PAPPA2: variants seen among roughly 807,000 people sequenced by gnomAD.
The protein encoded by PAPPA2 is pappalysin-2.
Under a neutral mutation model 176.4 loss-of-function variants are expected in PAPPA2, and 86 were observed. The ratio of observed to expected loss-of-function variants is 0.49; its 90% CI spans 0.41 to 0.58. The LOEUF (loss-of-function observed/expected upper bound fraction) is 0.58, where lower values mean the gene tolerates loss of function less well. Among genes scored for constraint, PAPPA2 ranks in the 20% least tolerant of loss-of-function variants. The probability of loss-of-function intolerance (pLI) is 0.00; values close to 1 mark genes in which losing one functional copy is unlikely to be tolerated. For synonymous variants in PAPPA2, 809 were observed against 852.2 expected, an observed-to-expected ratio of 0.95 and a Z score of 0.88; for missense variants, 2,073 against 2,256.9, an observed-to-expected ratio of 0.92 and a Z score of 1.65.
At chr1:176,785,208 A>G (rs1664883864) in intron 17 of PAPPA2, among the ~76,000 whole-genome samples, 1 of 152,202 alleles carries the variant, frequency 6.6e-6, no homozygotes. Context: ...TCCTGGCACA[A>G]TCCAACCAGC....
intron 17 of PAPPA2, among the ~76,000 whole-genome samples, chr1:176,789,244 C>G (rs1269490745): frequency 2.0e-5 from 3 of 152,198 alleles, no homozygotes; most frequent in Non-Finnish European, 2.9e-5. Context: ...GAGTTCATGT[C>G]CTTTGCAGGG....
chr1:176,738,622 G>T (rs1662528587), intron 12 of PAPPA2, among the ~76,000 whole-genome samples: 1 of 152,096 alleles, frequency 6.6e-6, no homozygotes, highest in Admixed American at 6.6e-5. Context: ...ACTTTGTAAG[G>T]TTCAGTTCCA....
chr1:176,821,425 C>G (rs2102974423), intron 21 of PAPPA2, among the ~76,000 whole-genome samples: 1 of 152,278 alleles, frequency 6.6e-6, no homozygotes, highest in African/African-American at 2.4e-5. Flanking sequence ...TGGCATGAAG[C>G]TGTCATCAAG....
chr1:176,738,613 C>G (rs1357300943), intron 12 of PAPPA2, among the ~76,000 whole-genome samples: 1 of 152,120 alleles, frequency 6.6e-6, no homozygotes, highest in African/African-American at 2.4e-5. Context: ...GCACGTAGAA[C>G]TTTGTAAGGT....
chr1:176,721,445 TTTC>T (rs1661613690), intron 12 of PAPPA2, among the ~76,000 whole-genome samples: 1 of 152,228 alleles, frequency 6.6e-6, no homozygotes, highest in African/African-American at 2.4e-5. Context: ...ACTTTTATTA[TTTC>T]TCTTAATGTG....
At chr1:176,678,430 C>T (rs1573238692) in intron 4 of PAPPA2, among the ~76,000 whole-genome samples, 3 of 144,078 alleles carry the variant, frequency 2.1e-5, no homozygotes, top group Non-Finnish European at 3.1e-5. Context: ...TGGTCATTTA[C>T]TTTTTTTTTT....
At chr1:176,791,573 A>G in intron 19 of PAPPA2, 91 bp downstream of exon 19, 3 of 1,442,274 alleles carry the variant, frequency 2.1e-6, no homozygotes, top group Non-Finnish European at 2.8e-6. Context: ...TATTTTTGTC[A>G]GACGGAGTCT....
intron 1 of PAPPA2, among the ~76,000 whole-genome samples, chr1:176,500,401 A>G (rs77872471): frequency 0.045 from 6,799 of 151,190 alleles, 240 homozygotes; most frequent in Middle Eastern, 0.092. Flanking sequence ...TTCCTAATAT[A>G]TGCTATTTCT....
At chr1:176,602,021 G>A (rs1418919922) in intron 3 of PAPPA2, among the ~76,000 whole-genome samples, 1 of 152,110 alleles carries the variant, frequency 6.6e-6, no homozygotes, top group Non-Finnish European at 1.5e-5. Context: ...TTGCTATAAT[G>A]TGGAGAAAAG....
intron 17 of PAPPA2, among the ~76,000 whole-genome samples, chr1:176,781,867 G>T (rs572303212): frequency 6.6e-6 from 1 of 152,282 alleles, no homozygotes; most frequent in African/African-American, 2.4e-5. Flanking sequence ...AGGCTAAAGT[G>T]TATTCGGAGT....
intron 1 of PAPPA2, among the ~76,000 whole-genome samples, chr1:176,480,144 C>T (rs910758569): frequency 6.6e-6 from 1 of 152,116 alleles, no homozygotes; most frequent in Non-Finnish European, 1.5e-5. Flanking sequence ...GCAGCCTCCT[C>T]CCCATGTCCT....
intron 1 of PAPPA2, among the ~76,000 whole-genome samples, chr1:176,552,562 T>C (rs1651027869): frequency 6.6e-6 from 1 of 152,212 alleles, no homozygotes; most frequent in East Asian, 1.9e-4. Context: ...TCTTGCCTTA[T>C]AGATTTACCT....
At chr1:176,463,884 G>A (rs532109645) in intron 1 of PAPPA2, among the ~76,000 whole-genome samples, 51 of 152,258 alleles carry the variant, frequency 3.3e-4, no homozygotes, top group African/African-American at 1.2e-3. Context: ...AGGGAGTGCT[G>A]AGGATGAGTG....
At chr1:176,813,895 T>G (rs1666274487) in intron 21 of PAPPA2, among the ~76,000 whole-genome samples, 1 of 152,258 alleles carries the variant, frequency 6.6e-6, no homozygotes, top group Admixed American at 6.5e-5. Context: ...CTAGATTTTC[T>G]TCTAGGGTTT....
At chr1:176,628,508 T>C (rs1223801182) in intron 3 of PAPPA2, among the ~76,000 whole-genome samples, 2 of 152,038 alleles carry the variant, frequency 1.3e-5, no homozygotes, top group African/African-American at 4.8e-5. Context: ...AAATAGAAAA[T>C]GATGTGAAAA....
intron 17 of PAPPA2, among the ~76,000 whole-genome samples, chr1:176,786,014 C>T (rs545045206): frequency 4.4e-4 from 67 of 152,224 alleles, no homozygotes; most frequent in African/African-American, 1.6e-3. Context: ...GTGGTATTGC[C>T]TGCTTTCTCC....
At chr1:176,634,563 C>T (rs1446201452) in intron 3 of PAPPA2, among the ~76,000 whole-genome samples, 1 of 151,706 alleles carries the variant, frequency 6.6e-6, no homozygotes, top group Non-Finnish European at 1.5e-5. Context: ...ACGTTGTGCA[C>T]ATGTATCCTA....
At chr1:176,709,340 C>T (rs966105509) in intron 10 of PAPPA2, among the ~76,000 whole-genome samples, 4 of 152,026 alleles carry the variant, frequency 2.6e-5, no homozygotes, top group Non-Finnish European at 4.4e-5. Context: ...CACATAAAAT[C>T]ACTGAGACTC....
chr1:176,502,587 G>T (rs1648028219), intron 1 of PAPPA2, among the ~76,000 whole-genome samples: 1 of 152,134 alleles, frequency 6.6e-6, no homozygotes, highest in Non-Finnish European at 1.5e-5. Flanking sequence ...AAACTTTCAA[G>T]TAAACAACAA....
Sources: allele counts gnomAD v4.1 joint callset (sites outside exome capture counted in the v4.1 genomes callset), GRCh38; gene constraint gnomAD v4.1.1; transcripts MANE v1.5; gene names NCBI Gene and HGNC (gene_info 2026-07-23, HGNC 2026-07-21).